Variants in CD160 observed in about 807,000 individuals in gnomAD.
CD160 encodes CD160 molecule.
Under a neutral mutation model 19.2 loss-of-function variants are expected in CD160, and 11 were observed. The observed-to-expected ratio is 0.57, with a 90% confidence interval of 0.36 to 0.95. CD160 has a LOEUF of 0.95. Among genes scored for constraint, CD160 ranks in the 40% least tolerant of loss-of-function variants. The probability of loss-of-function intolerance (pLI) is 0.01; values close to 1 mark genes in which losing one functional copy is unlikely to be tolerated. For missense variants in CD160, 182 were observed against 213.2 expected, an observed-to-expected ratio of 0.85 and a Z score of 0.91; for synonymous variants, 75 against 81.1, an observed-to-expected ratio of 0.93 and a Z score of 0.40.
chr1:145,736,159 C>T (rs1657481528), intron 5 of CD160, 25 bp downstream of exon 5: 1 of 1,613,658 alleles, frequency 6.2e-7, no homozygotes, highest in Non-Finnish European at 8.5e-7. Flanking sequence ...GCCGTAAGCA[C>T]CCCAAGCAAT....
intron 4 of CD160, among the ~76,000 whole-genome samples, chr1:145,732,723 G>GA (rs1657344374): frequency 6.6e-6 from 1 of 151,972 alleles, no homozygotes. Context: ...TCAGGCTCTA[G>GA]AAAAAACTAA....
At chr1:145,731,745 T>C (rs1657304134) in intron 4 of CD160, among the ~76,000 whole-genome samples, 1 of 152,036 alleles carries the variant, frequency 6.6e-6, no homozygotes, top group Non-Finnish European at 1.5e-5. Context: ...CTCCCAGAAA[T>C]GTGGCTATAT....
intron 1 of CD160, among the ~76,000 whole-genome samples, chr1:145,724,264 T>C (rs1428118867): frequency 6.6e-6 from 1 of 152,218 alleles, no homozygotes; most frequent in Non-Finnish European, 1.5e-5. Context: ...TACTCTTTTA[T>C]TGTTTCTAAT....
intron 3 of CD160, 81 bp from the exon 4 acceptor site, chr1:145,730,663 C>T: frequency 1.7e-6 from 2 of 1,145,908 alleles, no homozygotes; most frequent in Non-Finnish European, 2.5e-6. Flanking sequence ...TCCTTGAAGA[C>T]TTCTAGTGAT....
chr1:145,721,853 T>G (rs781959965), intron 1 of CD160, among the ~76,000 whole-genome samples: 1 of 152,188 alleles, frequency 6.6e-6, no homozygotes, highest in Non-Finnish European at 1.5e-5. Context: ...TCATCCAGAA[T>G]TTCTCCTGTG....
chr1:145,730,148 A>C (rs1553708903), intron 3 of CD160, among the ~76,000 whole-genome samples: 1 of 152,124 alleles, frequency 6.6e-6, no homozygotes, highest in Non-Finnish European at 1.5e-5. Flanking sequence ...CATAGTGAGA[A>C]TCTGTCTCTA....
chr1:145,720,401 C>T (rs1656783230), intron 1 of CD160, among the ~76,000 whole-genome samples: 1 of 152,182 alleles, frequency 6.6e-6, no homozygotes, highest in Non-Finnish European at 1.5e-5. Flanking sequence ...ATGTCAGGCA[C>T]CTGCTTTGGT....
intron 5 of CD160, chr1:145,736,336 G>T (rs782815077): frequency 6.7e-7 from 1 of 1,488,132 alleles, no homozygotes; most frequent in Non-Finnish European, 9.0e-7. Context: ...AGATAAATCA[G>T]ACTTTTCAAT....
chr1:145,726,979 G>C (rs968769633), intron 2 of CD160, among the ~76,000 whole-genome samples: 1 of 151,946 alleles, frequency 6.6e-6, no homozygotes. Flanking sequence ...ATACCAATAG[G>C]ACTTTTTCTT....
rs138055766 is a variant in CD160 at position 145,730,916 on chromosome 1, T to C, written c.246T>C (p.Asp82=). ...TSLKQLRLKR[D]PGIDGVGEIS... ...TAAAACAGCTGAGACTTAAAAGGGATCCTGGGATAGATGGTGTTGGTGAAA... is the reference window on the plus strand; with the variant it reads ...TAAAACAGCTGAGACTTAAAAGGGACCCTGGGATAGATGGTGTTGGTGAAA... Residue 82 remains aspartate (D), a synonymous_variant, in exon 4 of 6, where the codon GAT becomes GAC. Coordinates refer to ENST00000369288, the MANE Select transcript of CD160 (RefSeq NM_007053.4). 201 of 1,614,056 alleles carry C rather than the reference T, an allele frequency of 1.2e-4. No homozygotes were observed. The highest frequency in any genetic ancestry group is 1.6e-4 in the Non-Finnish European group (193 of 1,180,026).
At chr1:145,729,366 C>G (rs1453553470) in intron 3 of CD160, among the ~76,000 whole-genome samples, 10 of 151,996 alleles carry the variant, frequency 6.6e-5, no homozygotes, top group African/African-American at 2.4e-4. Flanking sequence ...ATCAAGCTGC[C>G]AAGGGAGTGG....
At chr1:145,727,685 T>C (rs1175867499) in intron 2 of CD160, among the ~76,000 whole-genome samples, 2 of 152,188 alleles carry the variant, frequency 1.3e-5, no homozygotes, top group African/African-American at 4.8e-5. Flanking sequence ...ATATCTCTAA[T>C]ACGGAGAAAG....
In CD160 at chr1:145,730,971, C is replaced by A. The variant is rs142477150; in HGVS notation, c.301C>A (p.Gln101Lys). 7.7e-5 allele frequency: 125 copies of A among 1,614,102 alleles called. No homozygotes were observed. The African/African-American group carries it at 1.5e-3, about 20-fold the overall frequency. ...ISSQLMFTIS[Q>K]VTPLHSGTYQ... ...ATCTCAGTTGATGTTCACCATAAGC[C>A]AAGTCACACCGTTGCACAGTGGGAC... The change falls in exon 4 of 6, where the codon CAA becomes AAA. Residue 101 changes from glutamine to lysine, a missense_variant. Coordinates refer to ENST00000369288, the MANE Select transcript of CD160 (RefSeq NM_007053.4).
chr1:145,734,928 G>A (rs1420532974), intron 4 of CD160, among the ~76,000 whole-genome samples: 2 of 152,044 alleles, frequency 1.3e-5, no homozygotes, highest in Non-Finnish European at 1.5e-5. Flanking sequence ...CCAACATGGT[G>A]AAACCCTGTC....
intron 1 of CD160, among the ~76,000 whole-genome samples, chr1:145,719,889 C>T (rs1021799427): frequency 1.3e-5 from 2 of 152,190 alleles, no homozygotes; most frequent in Non-Finnish European, 2.9e-5. Context: ...GGAGGTGCCA[C>T]GGGGCTTGGA....
At chr1:145,737,157 T>G (rs1299484329) in intron 5 of CD160, 1 of 150,548 alleles carries the variant, frequency 6.6e-6, no homozygotes, top group African/African-American at 2.5e-5. Flanking sequence ...AGCTAAGGCA[T>G]GAGGATCACC....
chr1:145,737,655 A>G (rs587667906), intron 5 of CD160: 6 of 151,512 alleles, frequency 4.0e-5, no homozygotes, highest in Admixed American at 2.0e-4. Flanking sequence ...CAGTAAAATA[A>G]ATTTTATTTT....
rs920991231 is a variant in CD160, at chr1:145,736,603, G to A, written c.538+469G>A. On this transcript the variant is annotated intron_variant, in intron 5 of 5. Coordinates refer to ENST00000369288, the MANE Select transcript of CD160 (RefSeq NM_007053.4). ...CCTCTGAAAACCATTTACCAATATAGATTAGCGTTTTCCCTATTAGATAAC... is the reference window on the plus strand; with the variant it reads ...CCTCTGAAAACCATTTACCAATATAAATTAGCGTTTTCCCTATTAGATAAC... 4 of 162,832 alleles carry A rather than the reference G, an allele frequency of 2.5e-5. No homozygotes were observed. In the East Asian group the frequency reaches 6.9e-4, roughly 28 times the overall value. 10.1% of individuals were successfully genotyped at this position (162,832 alleles called of 1,614,324 possible).
intron 3 of CD160, 39 bp downstream of exon 3, chr1:145,728,439 G>A (rs1553708686): frequency 1.5e-6 from 2 of 1,350,508 alleles, no homozygotes; most frequent in Non-Finnish European, 1.1e-6. Flanking sequence ...CCATGGGGAG[G>A]ATCCTGGGCT....
Sources: allele counts gnomAD v4.1 joint callset (sites outside exome capture counted in the v4.1 genomes callset), GRCh38; gene constraint gnomAD v4.1.1; transcripts MANE v1.5; gene names NCBI Gene and HGNC (gene_info 2026-07-23, HGNC 2026-07-21).